The following RABGAP1L variants were observed in gnomAD, a reference collection of about 807,000 sequenced individuals.
The protein encoded by RABGAP1L is RAB GTPase activating protein 1 like, also known as rab GTPase-activating protein 1-like.
In RABGAP1L, 63 loss-of-function variants were observed where a neutral mutation model predicts 137.7. That is an observed-to-expected ratio of 0.46 (90% CI 0.37 to 0.56). The LOEUF (loss-of-function observed/expected upper bound fraction) is 0.56, where lower values mean the gene tolerates loss of function less well. RABGAP1L is among the 20% of genes least tolerant of loss of function. RABGAP1L has a pLI of 0.00. For missense variants in RABGAP1L, 1,095 were observed against 1,244.0 expected (o/e 0.88, Z 1.80); for synonymous variants, 431 against 433.7 (o/e 0.99, Z 0.08).
rs1443828227 is a variant in RABGAP1L at position 174,550,891 on chromosome 1, TATATAC to T, written c.1711-86482_1711-86477del. Reference sequence around the variant, plus strand: ...ATATATATATATATATATATATATATATATACACACACACATATACACACACACACA... The same window carrying T: ...ATATATATATATATATATATATATATACACACACATATACACACACACACA... On this transcript the variant is annotated intron_variant, in intron 13 of 25. Coordinates refer to ENST00000681986, the MANE Select transcript of RABGAP1L (RefSeq NM_001366446.1). 4.6e-4 allele frequency among the ~76,000 whole-genome samples: 40 copies of T among 86,046 alleles called. 2 individuals are homozygous for T. Among genetic ancestry groups the T allele is most frequent in the African/African-American group, 2.7e-3 (35 of 12,740 alleles). 56.4% of individuals were successfully genotyped at this position (86,046 alleles called of 152,430 possible). A position where few individuals can be genotyped will look rare whatever the true frequency, so the allele number is the denominator to read the frequency against.
chr1:174,216,151 G>T lies in RABGAP1L; in HGVS notation c.-33-2974G>T, dbSNP rs147119316. On this transcript the variant is annotated intron_variant, in intron 1 of 25. Coordinates refer to ENST00000681986, the MANE Select transcript of RABGAP1L (RefSeq NM_001366446.1). ...TGATTACCAGAAGCTGAAAAGGGTA[G>T]TGGGAAGGTGGGATGGGTAAGGGAC... Among the ~76,000 whole-genome samples, 5 of 152,320 alleles carry T rather than the reference G, an allele frequency of 3.3e-5. No homozygotes were observed. In the East Asian group the frequency reaches 5.8e-4, roughly 18 times the overall value.
intron 19 of RABGAP1L, among the ~76,000 whole-genome samples, chr1:174,890,212 T>A (rs988569887): frequency 6.6e-6 from 1 of 152,244 alleles, no homozygotes; most frequent in African/African-American, 2.4e-5. Flanking sequence ...GACAGCCATG[T>A]AAACAGCCGT....
chr1:174,277,530 GTATAT>G (rs1675105956), intron 9 of RABGAP1L, among the ~76,000 whole-genome samples: 1 of 150,852 alleles, frequency 6.6e-6, no homozygotes, highest in African/African-American at 2.4e-5. Context: ...CTATATAATA[GTATAT>G]TATAATATTC....
At chr1:174,247,465 ATTTTCATTTT>A (rs976728963) in intron 5 of RABGAP1L, among the ~76,000 whole-genome samples, 1 of 152,146 alleles carries the variant, frequency 6.6e-6, no homozygotes, top group Non-Finnish European at 1.5e-5. Flanking sequence ...TCCTTGGGAA[ATTTTCATTTT>A]TTAAAGCATC....
At chr1:174,303,496 T>G (rs1677916171) in intron 10 of RABGAP1L, among the ~76,000 whole-genome samples, 1 of 152,182 alleles carries the variant, frequency 6.6e-6, no homozygotes, top group Non-Finnish European at 1.5e-5. Context: ...TGCATAAATG[T>G]GATGAATCTT....
chr1:174,963,116 T>C (rs528190033), intron 20 of RABGAP1L, among the ~76,000 whole-genome samples: 3 of 152,210 alleles, frequency 2.0e-5, no homozygotes, highest in East Asian at 3.9e-4. Flanking sequence ...AAAAAAATTT[T>C]TTTTCTGCCA....
At chr1:174,563,007 AAAAG>A (rs1667327370) in intron 13 of RABGAP1L, among the ~76,000 whole-genome samples, 1 of 152,186 alleles carries the variant, frequency 6.6e-6, no homozygotes, top group Admixed American at 6.6e-5. Flanking sequence ...GTATAATAAA[AAAAG>A]AAATAAAAAT....
rs1243304941 is a variant in RABGAP1L, at chr1:174,990,181, T to C, written c.*180T>C. 3 of 724,540 alleles carry C rather than the reference T, an allele frequency of 4.1e-6. No homozygotes were observed. The highest frequency in any genetic ancestry group is 4.2e-6 in the Non-Finnish European group (2 of 471,438). The allele number at this position is 724,540 out of a possible 1,614,324, so 44.9% of individuals were successfully genotyped here. On this transcript the variant is annotated 3_prime_UTR_variant, in exon 26 of 26. Coordinates refer to ENST00000681986, the MANE Select transcript of RABGAP1L (RefSeq NM_001366446.1). ...AAGGGATGCTATTTAAACTGACCTG[T>C]TCTATGTTGAATACCTATTTTCCAG... is the stretch of plus-strand genomic sequence containing the variant.
chr1:174,814,776 CCT>C (rs1690215303), intron 19 of RABGAP1L, among the ~76,000 whole-genome samples: 1 of 151,654 alleles, frequency 6.6e-6, no homozygotes, highest in African/African-American at 2.4e-5. Flanking sequence ...CTCACTGCAA[CCT>C]CCCAGGTTCA....
intron 13 of RABGAP1L, among the ~76,000 whole-genome samples, chr1:174,524,247 G>T (rs1296797691): frequency 6.6e-6 from 1 of 151,498 alleles, no homozygotes; most frequent in Non-Finnish European, 1.5e-5. Context: ...CATAGTGGTT[G>T]TACTGATTTA....
In RABGAP1L at chr1:174,541,151, A is replaced by G. The variant is rs373501927; in HGVS notation, c.1711-96224A>G. On this transcript the variant is annotated intron_variant, in intron 13 of 25. Transcript: ENST00000681986. ...TTGCACATTGATTTTGTATTCTAGG[A>G]CTTTGCTGAAGTTGCTTATCAGCTT... Among the ~76,000 whole-genome samples the G allele has an allele frequency of 3.7e-4, 57 of 152,280 alleles. No homozygotes were observed. The Middle Eastern group carries it at 0.01, about 27-fold the overall frequency.
At chr1:174,550,921 CAT>C (rs1386199205) in intron 13 of RABGAP1L, among the ~76,000 whole-genome samples, 40 of 90,946 alleles carry the variant, frequency 4.4e-4, no homozygotes, top group Middle Eastern at 5.8e-3. Flanking sequence ...CACACACACA[CAT>C]ATATATATAC....
chr1:174,185,941 C>T (rs545974254), intron 1 of RABGAP1L, among the ~76,000 whole-genome samples: 3 of 152,120 alleles, frequency 2.0e-5, no homozygotes, highest in South Asian at 2.1e-4. Context: ...GTCGGGAGTT[C>T]GCGACCAGCC....
intron 19 of RABGAP1L, among the ~76,000 whole-genome samples, chr1:174,848,964 A>G (rs1647648913): frequency 1.3e-5 from 2 of 151,798 alleles, no homozygotes; most frequent in Admixed American, 6.6e-5. Flanking sequence ...GAAAAGCGCA[A>G]TATTCGGGTG....
At chr1:174,261,062 G>T (rs1453361498) in intron 7 of RABGAP1L, among the ~76,000 whole-genome samples, 1 of 151,940 alleles carries the variant, frequency 6.6e-6, no homozygotes, top group South Asian at 2.1e-4. Flanking sequence ...ATCAGGAAGC[G>T]ATTTTTGGCA....
At chr1:174,756,598 AG>A (rs577557766) in intron 18 of RABGAP1L, among the ~76,000 whole-genome samples, 7 of 152,168 alleles carry the variant, frequency 4.6e-5, no homozygotes, top group Non-Finnish European at 8.8e-5. Flanking sequence ...GGATGGGGCC[AG>A]GAATCCATTC....
At chr1:174,768,526 A>G (rs947601378) in intron 18 of RABGAP1L, among the ~76,000 whole-genome samples, 3 of 152,220 alleles carry the variant, frequency 2.0e-5, no homozygotes, top group Admixed American at 1.3e-4. Context: ...TCAAATGAAC[A>G]TGCACACAAC....
intron 21 of RABGAP1L, among the ~76,000 whole-genome samples, chr1:174,975,308 A>G (rs1439799595): frequency 1.3e-5 from 2 of 152,206 alleles, no homozygotes; most frequent in African/African-American, 4.8e-5. Context: ...GCTAACTTAG[A>G]TGAGGGTGAG....
intron 11 of RABGAP1L, among the ~76,000 whole-genome samples, chr1:174,342,647 T>A (rs1444154361): frequency 1.3e-5 from 2 of 151,572 alleles, no homozygotes; most frequent in Admixed American, 6.6e-5. Flanking sequence ...TCAACATCAG[T>A]GTGCAGATGG....
Sources: allele counts gnomAD v4.1 joint callset (sites outside exome capture counted in the v4.1 genomes callset), GRCh38; gene constraint gnomAD v4.1.1; transcripts MANE v1.5; gene names NCBI Gene and HGNC (gene_info 2026-07-23, HGNC 2026-07-21).